Variants in PARD3B observed in about 807,000 individuals in gnomAD.
PARD3B encodes partitioning defective 3 homolog B.
A neutral mutation model predicts 130.2 loss-of-function variants in PARD3B; 103 were observed. The ratio of observed to expected loss-of-function variants is 0.79; its 90% CI spans 0.67 to 0.93. The LOEUF is 0.93. Ranked by LOEUF, PARD3B falls within the 40% of genes least tolerant of loss-of-function variation. The probability of loss-of-function intolerance (pLI) is 0.00; values close to 1 mark genes in which losing one functional copy is unlikely to be tolerated. For synonymous variants in PARD3B, 583 were observed against 553.2 expected (o/e 1.05, Z -0.76); for missense variants, 1,609 against 1,499.2 (o/e 1.07, Z -1.21).
intron 2 of PARD3B, among the ~76,000 whole-genome samples, chr2:204,946,914 A>G (rs1689373686): frequency 6.6e-6 from 1 of 152,122 alleles, no homozygotes; most frequent in South Asian, 2.1e-4. Context: ...AAAACAAACA[A>G]CACCAAAATG....
intron 21 of PARD3B, among the ~76,000 whole-genome samples, chr2:205,535,351 C>A (rs2051801343): frequency 6.6e-6 from 1 of 152,116 alleles, no homozygotes; most frequent in Non-Finnish European, 1.5e-5. Flanking sequence ...TATTTGGTTC[C>A]TTTCTCCATG....
chr2:204,893,696 T>C (rs1204013974), intron 2 of PARD3B, among the ~76,000 whole-genome samples: 1 of 152,166 alleles, frequency 6.6e-6, no homozygotes, highest in Admixed American at 6.6e-5. Flanking sequence ...TGTCTCATAG[T>C]AAGTCTTGAA....
intron 22 of PARD3B, among the ~76,000 whole-genome samples, chr2:205,587,154 A>G (rs1431855594): frequency 6.6e-6 from 1 of 152,238 alleles, no homozygotes; most frequent in East Asian, 1.9e-4. Flanking sequence ...TCTGATGCTA[A>G]TATAGAAATC....
chr2:205,318,871 G>A (rs1228468546), intron 18 of PARD3B, among the ~76,000 whole-genome samples: 2 of 152,086 alleles, frequency 1.3e-5, no homozygotes, highest in Non-Finnish European at 1.5e-5. Flanking sequence ...AGAAGTCATG[G>A]CCAGGCCTGA....
intron 2 of PARD3B, among the ~76,000 whole-genome samples, chr2:204,856,648 T>G (rs1213670793): frequency 6.6e-6 from 1 of 152,178 alleles, no homozygotes; most frequent in East Asian, 1.9e-4. Context: ...TTCCCTTGTT[T>G]TCTTCTACTT....
chr2:204,672,853 C>T (rs915617591), intron 1 of PARD3B, among the ~76,000 whole-genome samples: 16 of 152,282 alleles, frequency 1.1e-4, no homozygotes, highest in Middle Eastern at 3.4e-3. Context: ...TAATCACAGG[C>T]GCTGTTTATT....
At chr2:205,071,154 C>A (rs1394447797) in intron 4 of PARD3B, among the ~76,000 whole-genome samples, 2 of 152,136 alleles carry the variant, frequency 1.3e-5, no homozygotes, top group Non-Finnish European at 2.9e-5. Flanking sequence ...TGCAAATCAC[C>A]CATGATCTTT....
rs759128066 is a variant in PARD3B at position 205,258,487 on chromosome 2, T to C, written c.2185+12665T>C. Among the ~76,000 whole-genome samples the C allele has an allele frequency of 2.6e-5, 4 of 152,192 alleles. No individual in the cohort carries two copies. Among genetic ancestry groups the C allele is most frequent in the Non-Finnish European group, 5.9e-5 (4 of 68,030 alleles). On this transcript the variant is annotated intron_variant, in intron 16 of 22. Coordinates refer to ENST00000406610, the MANE Select transcript of PARD3B (RefSeq NM_001302769.2). This position sits in a 1 kb window ranked among gnomAD's most constrained non-coding sequence, Gnocchi z 4.9. The stretch of plus-strand genomic sequence containing the variant: ...TCTCACCTTACTGTTTACCTCCTTA[T>C]AGAGCTAATCACAGTCTGTAGTAAA...
chr2:204,734,227 A>G (rs1035383222), intron 2 of PARD3B, among the ~76,000 whole-genome samples: 3 of 152,200 alleles, frequency 2.0e-5, no homozygotes, highest in Non-Finnish European at 4.4e-5. Flanking sequence ...CATTATATAC[A>G]CTGAAATCAC....
chr2:205,006,821 G>A (rs1233923729), intron 3 of PARD3B, among the ~76,000 whole-genome samples: 2 of 151,958 alleles, frequency 1.3e-5, no homozygotes, highest in Admixed American at 6.6e-5. Flanking sequence ...GTTTTATTAG[G>A]TCCCACTTAT....
chr2:204,634,003 TTTAAG>T (rs1366118316), intron 1 of PARD3B, among the ~76,000 whole-genome samples: 1 of 152,138 alleles, frequency 6.6e-6, no homozygotes, highest in African/African-American at 2.4e-5. Context: ...AATTACACTC[TTTAAG>T]TTATTTTTAA....
At position 204,874,436 on chromosome 2, in the gene PARD3B, A is replaced by G. The variant is rs554620077; in HGVS notation, c.223-90716A>G. Among the ~76,000 whole-genome samples the G allele has an allele frequency of 3.3e-5, 5 of 152,360 alleles. No homozygotes were observed. In the East Asian group the frequency reaches 9.6e-4, roughly 29 times the overall value. On this transcript the variant is annotated intron_variant, in intron 2 of 22. Coordinates refer to ENST00000406610, the MANE Select transcript of PARD3B (RefSeq NM_001302769.2). The stretch of plus-strand genomic sequence containing the variant: ...ATGGGTAAAGAACCAGTAGTAAAAC[A>G]TTCACCTCAAAAGACAATTACAATA...
At chr2:205,444,595 A>G (rs1370770844) in intron 20 of PARD3B, among the ~76,000 whole-genome samples, 3 of 152,220 alleles carry the variant, frequency 2.0e-5, no homozygotes, top group Admixed American at 2.0e-4. Context: ...CTGAAGCGTC[A>G]TAATTGGGGA....
chr2:204,644,059 C>T (rs1559202924), intron 1 of PARD3B, among the ~76,000 whole-genome samples: 1 of 152,166 alleles, frequency 6.6e-6, no homozygotes, highest in Non-Finnish European at 1.5e-5. Context: ...TATTCGTTCT[C>T]TGAAGGAGGC....
chr2:204,992,579 A>G (rs890976769), intron 3 of PARD3B, among the ~76,000 whole-genome samples: 5 of 132,222 alleles, frequency 3.8e-5, no homozygotes, highest in East Asian at 2.2e-4. Flanking sequence ...TTGGTTCCAT[A>G]TGAACTTTAA....
At chr2:204,561,758 GCTAA>G (rs1314739502) in intron 1 of PARD3B, among the ~76,000 whole-genome samples, 2 of 151,990 alleles carry the variant, frequency 1.3e-5, no homozygotes, top group Admixed American at 1.3e-4. Flanking sequence ...ACCACGCCCG[GCTAA>G]CTTTTTGTAT....
intron 1 of PARD3B, among the ~76,000 whole-genome samples, chr2:204,599,687 TC>T (rs1266457777): frequency 6.6e-6 from 1 of 151,854 alleles, no homozygotes; most frequent in Admixed American, 6.6e-5. Context: ...GATTTCCTTT[TC>T]TTTGGTAAAT....
At chr2:205,559,200 C>T (rs970868503) in intron 22 of PARD3B, among the ~76,000 whole-genome samples, 1 of 152,170 alleles carries the variant, frequency 6.6e-6, no homozygotes, top group Non-Finnish European at 1.5e-5. Flanking sequence ...CGTTGGAGTA[C>T]AGTGGTACAA....
intron 2 of PARD3B, among the ~76,000 whole-genome samples, chr2:204,858,099 C>A (rs1413070125): frequency 6.6e-6 from 1 of 152,014 alleles, no homozygotes; most frequent in African/African-American, 2.4e-5. Context: ...TAAATGGATT[C>A]AATGGATTCC....
Sources: gnomAD v4.1 joint callset for allele counts (sites outside exome capture counted in the v4.1 genomes callset) on GRCh38, gnomAD v4.1.1 for gene constraint, Gnocchi (gnomAD v3.1) non-coding constraint, MANE v1.5 for transcripts, NCBI Gene and HGNC (gene_info 2026-07-23, HGNC 2026-07-21) for gene names.